The following COMMD1 variants were observed in gnomAD, a reference collection of about 807,000 sequenced individuals.
The protein encoded by COMMD1 is copper metabolism domain containing 1.
A neutral mutation model predicts 17.2 loss-of-function variants in COMMD1; 10 were observed. The ratio of observed to expected loss-of-function variants is 0.58; its 90% CI spans 0.36 to 0.99. COMMD1 has a LOEUF of 0.99. Among genes scored for constraint, COMMD1 ranks in the 50% least tolerant of loss-of-function variants. The pLI, the probability that COMMD1 is intolerant of heterozygous loss-of-function variation, is 0.01. For synonymous variants in COMMD1, 97 were observed against 91.6 expected (o/e 1.06, Z -0.34); for missense variants, 270 against 231.8 (o/e 1.17, Z -1.07).
chr2:61,910,542 C>T (rs1377603358), intron 1 of COMMD1, among the ~76,000 whole-genome samples: 4 of 152,116 alleles, frequency 2.6e-5, no homozygotes, highest in Non-Finnish European at 4.4e-5. Context: ...CCACTGCGTC[C>T]GGCCCAACAC....
intron 1 of COMMD1, among the ~76,000 whole-genome samples, chr2:61,898,616 A>G (rs1485667523): frequency 6.6e-6 from 1 of 152,258 alleles, no homozygotes; most frequent in East Asian, 1.9e-4. Flanking sequence ...CACACATTTC[A>G]GTTCACGTTT....
At chr2:61,926,196 C>G (rs1670326448) in intron 1 of COMMD1, among the ~76,000 whole-genome samples, 2 of 152,172 alleles carry the variant, frequency 1.3e-5, no homozygotes, top group African/African-American at 4.8e-5. Flanking sequence ...TGGTCTCCAT[C>G]TCCTGACCTT....
In COMMD1 at chr2:61,920,981, A is replaced by ATATATATATATATATT. The variant is rs749403795; in HGVS notation, c.180+15124_180+15125insATATATATATATATTT. On this transcript the variant is annotated intron_variant, in intron 1 of 2. Coordinates refer to ENST00000311832, the MANE Select transcript of COMMD1 (RefSeq NM_152516.4). ...TATATGTGTGTATATATATATATAT[A>ATATATATATATATATT]TTTTTTTTTTTTTTGAGACAGAGCC... 7.5e-3 allele frequency among the ~76,000 whole-genome samples: 1,064 copies of ATATATATATATATATT among 141,296 alleles called. 22 individuals are homozygous for ATATATATATATATATT. Among genetic ancestry groups the ATATATATATATATATT allele is most frequent in the African/African-American group, 0.028 (1,022 of 37,116 alleles). 92.7% of individuals were successfully genotyped at this position (141,296 alleles called of 152,430 possible). A position where few individuals can be genotyped will look rare whatever the true frequency, so the allele number is the denominator to read the frequency against.
intron 1 of COMMD1, among the ~76,000 whole-genome samples, chr2:61,889,950 C>T (rs577151502): frequency 6.6e-6 from 1 of 152,138 alleles, no homozygotes; most frequent in South Asian, 2.1e-4. Flanking sequence ...AACTGGAGCC[C>T]AAAGAAGGAA....
intron 2 of COMMD1, among the ~76,000 whole-genome samples, chr2:62,107,683 G>A (rs1672354767): frequency 6.6e-6 from 1 of 152,128 alleles, no homozygotes; most frequent in South Asian, 2.1e-4. Flanking sequence ...TGAAAGCCTT[G>A]ACCACCACAT....
At chr2:61,933,407 G>A (rs114321026) in intron 1 of COMMD1, among the ~76,000 whole-genome samples, 1,832 of 151,820 alleles carry the variant, frequency 0.012, 40 homozygotes, top group African/African-American at 0.043. Context: ...GGACGTGGCA[G>A]GCCAAAAAGT....
intron 2 of COMMD1, among the ~76,000 whole-genome samples, chr2:62,086,189 A>G (rs181056375): frequency 1.8e-3 from 269 of 152,054 alleles, no homozygotes; most frequent in African/African-American, 5.7e-3. Flanking sequence ...CTCAGAAAAC[A>G]AAAAAGATAA....
At chr2:62,065,104 G>C (rs991579212) in intron 2 of COMMD1, among the ~76,000 whole-genome samples, 4 of 152,154 alleles carry the variant, frequency 2.6e-5, no homozygotes, top group African/African-American at 9.7e-5. Flanking sequence ...TTGAGCCCAG[G>C]AGGTTGAGGC....
chr2:61,920,917 A>G (rs1670173162), intron 1 of COMMD1, among the ~76,000 whole-genome samples: 1 of 149,306 alleles, frequency 6.7e-6, no homozygotes, highest in Non-Finnish European at 1.5e-5. Flanking sequence ...ATATATATGT[A>G]TGTGTATATG....
intron 2 of COMMD1, among the ~76,000 whole-genome samples, chr2:62,109,870 C>A (rs1672408914): frequency 6.8e-6 from 1 of 147,548 alleles, no homozygotes; most frequent in Admixed American, 6.7e-5. Context: ...TGGGAGGTGG[C>A]TAATAGTTGT....
At chr2:62,088,790 T>A (rs1671742564) in intron 2 of COMMD1, among the ~76,000 whole-genome samples, 1 of 152,234 alleles carries the variant, frequency 6.6e-6, no homozygotes, top group Non-Finnish European at 1.5e-5. Flanking sequence ...TCATGGCCCC[T>A]GACACAGCCT....
intron 2 of COMMD1, among the ~76,000 whole-genome samples, chr2:62,027,489 C>A (rs1032609324): frequency 2.6e-5 from 4 of 152,134 alleles, no homozygotes; most frequent in Non-Finnish European, 5.9e-5. Context: ...AAGTTACTGG[C>A]AACACTGGAA....
chr2:62,022,249 A>G (rs1353296841), intron 2 of COMMD1, among the ~76,000 whole-genome samples: 1 of 152,000 alleles, frequency 6.6e-6, no homozygotes, highest in East Asian at 1.9e-4. Flanking sequence ...TATACAATAC[A>G]GGTTTTAGGA....
At chr2:62,113,429 G>C (rs950280427) in intron 2 of COMMD1, among the ~76,000 whole-genome samples, 5 of 152,104 alleles carry the variant, frequency 3.3e-5, no homozygotes, top group African/African-American at 1.2e-4. Context: ...TTATTTTTGA[G>C]ACAGAGTCTC....
At position 62,097,336 on chromosome 2, in the gene COMMD1, T is replaced by TA. The variant is rs1186361891; in HGVS notation, c.463-38494dup. Reference sequence around the variant, plus strand: ...CTTCAGGTCTTCGGGGCTATTGCCTTACGTTTGGCAGGGGTTTGGATTTAC... The same window carrying TA: ...CTTCAGGTCTTCGGGGCTATTGCCTTAACGTTTGGCAGGGGTTTGGATTTAC... On this transcript the variant is annotated intron_variant, in intron 2 of 2. Transcript: ENST00000311832. 2.6e-5 allele frequency among the ~76,000 whole-genome samples: 4 copies of TA among 152,186 alleles called. 1 individual carries two copies. Among genetic ancestry groups the TA allele is most frequent in the Admixed American group, 1.3e-4 (2 of 15,280 alleles).
chr2:62,058,614 G>C (rs10180503), intron 2 of COMMD1, among the ~76,000 whole-genome samples: 20,382 of 151,926 alleles, frequency 0.13, 3,441 homozygotes, highest in African/African-American at 0.39. Context: ...TGGTGCACTC[G>C]TGTGGTCCCA....
chr2:62,034,801 A>C (rs561631767), intron 2 of COMMD1, among the ~76,000 whole-genome samples: 1 of 152,324 alleles, frequency 6.6e-6, no homozygotes, highest in East Asian at 1.9e-4. Context: ...AGTTTTAAAA[A>C]AAAAAGTCTC....
In COMMD1 at chr2:61,958,991, A is replaced by T. The variant is rs140519028; in HGVS notation, c.181-41710A>T. The stretch of plus-strand genomic sequence containing the variant: ...CCGCGAACACTGATTTTATTTTGTC[A>T]TGTTGCTTTCCATGCAGATTTTTTA... On this transcript the variant is annotated intron_variant, in intron 1 of 2. Coordinates refer to ENST00000311832, the MANE Select transcript of COMMD1 (RefSeq NM_152516.4). Among the ~76,000 whole-genome samples the T allele has an allele frequency of 3.5e-4, 53 of 152,210 alleles. 1 individual carries two copies. The East Asian group carries it at 9.3e-3, about 27-fold the overall frequency.
At chr2:62,060,367 T>C (rs962232611) in intron 2 of COMMD1, among the ~76,000 whole-genome samples, 1 of 152,100 alleles carries the variant, frequency 6.6e-6, no homozygotes, top group Admixed American at 6.6e-5. Context: ...TACCATTTCA[T>C]TTAAATTTCA....
Sources: allele counts gnomAD v4.1 joint callset (sites outside exome capture counted in the v4.1 genomes callset), GRCh38; gene constraint gnomAD v4.1.1; transcripts MANE v1.5; gene names NCBI Gene and HGNC (gene_info 2026-07-23, HGNC 2026-07-21).